Variants in PTGIS observed in about 807,000 individuals in gnomAD.
PTGIS encodes the protein prostacyclin synthase.
PTGIS carries 45 observed loss-of-function variants against 50.3 expected under a neutral mutation model. The ratio of observed to expected loss-of-function variants is 0.90; its 90% CI spans 0.70 to 1.15. The LOEUF (loss-of-function observed/expected upper bound fraction) is 1.15. Ranked by LOEUF, PTGIS falls within the 50% of genes most tolerant of loss-of-function variation. PTGIS has a pLI of 0.00. For synonymous variants in PTGIS, 260 were observed against 267.7 expected (o/e 0.97, Z 0.28); for missense variants, 668 against 661.3 (o/e 1.01, Z -0.11).
intron 1 of PTGIS, among the ~76,000 whole-genome samples, chr20:49,566,556 G>A (rs972715490): frequency 6.6e-6 from 1 of 152,318 alleles, no homozygotes; most frequent in African/African-American, 2.4e-5. Flanking sequence ...GATGTCTGGA[G>A]GTTGAAGAAA....
chr20:49,507,357 T>TGAGCAATG lies in PTGIS; in HGVS notation c.*555_*562dup, dbSNP rs1341834118. The TGAGCAATG allele has an allele frequency of 5.0e-6, 1 of 198,766 alleles. No individual in the cohort carries two copies. Among genetic ancestry groups the TGAGCAATG allele is most frequent in the Admixed American group, 5.3e-5 (1 of 18,842 alleles). The allele number at this position is 198,766 out of a possible 1,614,324, so 12.3% of individuals were successfully genotyped here. A position where few individuals can be genotyped will look rare whatever the true frequency, so the allele number is the denominator to read the frequency against. ...CTCTCCTGCATTTTCTCAAGTAGTG[T>TGAGCAATG]GAGCAATGGGGCAATCTGGCAAATG... On this transcript the variant is annotated 3_prime_UTR_variant, in exon 10 of 10. Coordinates refer to ENST00000244043, the MANE Select transcript of PTGIS (RefSeq NM_000961.4).
intron 9 of PTGIS, among the ~76,000 whole-genome samples, chr20:49,508,627 T>C (rs1319092804): frequency 1.2e-4 from 18 of 152,212 alleles, no homozygotes; most frequent in Admixed American, 1.2e-3. Flanking sequence ...TCACTGTCTA[T>C]CTTGGCCAGG....
At chr20:49,523,930 TACACATGC>T in intron 6 of PTGIS, 120 bp downstream of exon 6, 2 of 1,182,848 alleles carry the variant, frequency 1.7e-6, no homozygotes, top group Non-Finnish European at 2.4e-6. Context: ...CACACCTACA[TACACATGC>T]ACACACAGGC....
intron 3 of PTGIS, 38 bp downstream of exon 3, chr20:49,547,803 C>T (rs1360709141): frequency 8.7e-6 from 14 of 1,610,164 alleles, no homozygotes; most frequent in Non-Finnish European, 1.1e-5. Flanking sequence ...GAGTCGCCCA[C>T]CCTGGCCCTC....
intron 9 of PTGIS, among the ~76,000 whole-genome samples, chr20:49,509,288 C>A (rs1386471349): frequency 1.1e-4 from 16 of 152,200 alleles, no homozygotes; most frequent in African/African-American, 3.6e-4. Context: ...GGGAACACGG[C>A]AAATGATCTG....
intron 6 of PTGIS, among the ~76,000 whole-genome samples, chr20:49,517,046 G>T (rs1981499512): frequency 6.6e-6 from 1 of 152,248 alleles, no homozygotes. Context: ...CAGTGAGGCT[G>T]AATGCAAGCA....
chr20:49,556,563 A>G (rs1371676295), intron 1 of PTGIS, among the ~76,000 whole-genome samples: 1 of 152,244 alleles, frequency 6.6e-6, no homozygotes. Context: ...CAATTTTAAA[A>G]AGAAGAGAGA....
intron 1 of PTGIS, among the ~76,000 whole-genome samples, chr20:49,558,596 C>T (rs1387871097): frequency 6.6e-6 from 1 of 152,142 alleles, no homozygotes; most frequent in East Asian, 1.9e-4. Context: ...AATGTATACA[C>T]TATTATTCGT....
intron 3 of PTGIS, 60 bp from the exon 4 acceptor site, chr20:49,544,508 G>A: frequency 1.3e-6 from 2 of 1,599,172 alleles, no homozygotes; most frequent in South Asian, 1.1e-5. Context: ...ACACCTACAG[G>A]CACCTCCCTC....
rs2122878409 is a variant in PTGIS at position 49,540,673 on chromosome 20, A to G, written c.522-952T>C. ...CACTGAGGCACACTTACGCACACGC[A>G]CACGCACACACACAGGACCACGCTC... is the stretch of plus-strand genomic sequence containing the variant. On this transcript the variant is annotated intron_variant, in intron 4 of 9. Coordinates refer to ENST00000244043, the MANE Select transcript of PTGIS (RefSeq NM_000961.4). This position sits in a 1 kb window ranked among gnomAD's most constrained non-coding sequence, Gnocchi z 4.8. Among the ~76,000 whole-genome samples, 2 of 152,234 alleles carry G rather than the reference A, an allele frequency of 1.3e-5. No individual in the cohort carries two copies. Among genetic ancestry groups the G allele is most frequent in the Admixed American group, 1.3e-4 (2 of 15,306 alleles).
At chr20:49,510,525 G>A (rs1053642293) in intron 9 of PTGIS, among the ~76,000 whole-genome samples, 2 of 152,120 alleles carry the variant, frequency 1.3e-5, no homozygotes, top group Admixed American at 6.5e-5. Flanking sequence ...CACAGGGGCT[G>A]GACAGGAGGA....
intron 1 of PTGIS, among the ~76,000 whole-genome samples, chr20:49,567,602 G>A (rs1167721712): frequency 6.6e-6 from 1 of 152,230 alleles, no homozygotes; most frequent in Non-Finnish European, 1.5e-5. Flanking sequence ...GCAAGGCAGG[G>A]TTTGACAGCG....
chr20:49,563,612 T>C (rs772546056), intron 1 of PTGIS, among the ~76,000 whole-genome samples: 58 of 152,212 alleles, frequency 3.8e-4, no homozygotes, highest in Admixed American at 3.0e-3. Flanking sequence ...TTTTTGTGTA[T>C]GGAATCCCCC....
intron 1 of PTGIS, among the ~76,000 whole-genome samples, chr20:49,561,090 A>G (rs1237536758): frequency 2.0e-5 from 3 of 152,136 alleles, no homozygotes; most frequent in African/African-American, 7.2e-5. Flanking sequence ...CTTTCAGCAC[A>G]GGGCCTTTTG....
chr20:49,547,822 G>T lies in PTGIS; in HGVS notation c.377+19C>A. 1 of 1,613,740 alleles carries T rather than the reference G, an allele frequency of 6.2e-7. No homozygotes were observed. The highest frequency in any genetic ancestry group is 8.5e-7 in the Non-Finnish European group (1 of 1,179,768). On this transcript the variant is annotated intron_variant, in intron 3 of 9. Transcript: ENST00000244043. ...CGCCCACCCTGGCCCTCCCACAGGTGCCATCTCCAGCCACTCACAGTTTCA... is the reference window on the plus strand; with the variant it reads ...CGCCCACCCTGGCCCTCCCACAGGTTCCATCTCCAGCCACTCACAGTTTCA...
chr20:49,559,599 C>T (rs148328148), intron 1 of PTGIS, among the ~76,000 whole-genome samples: 4 of 152,226 alleles, frequency 2.6e-5, no homozygotes, highest in East Asian at 3.9e-4. Flanking sequence ...ATCAATGCCA[C>T]GAAACGTTAC....
chr20:49,546,947 T>C (rs1982375479), intron 3 of PTGIS, among the ~76,000 whole-genome samples: 3 of 152,224 alleles, frequency 2.0e-5, no homozygotes, highest in Non-Finnish European at 4.4e-5. Context: ...TGACTCCATA[T>C]GTGGCTGGGC....
chr20:49,552,184 T>G (rs1377732714), intron 1 of PTGIS, among the ~76,000 whole-genome samples: 1 of 152,130 alleles, frequency 6.6e-6, no homozygotes, highest in Non-Finnish European at 1.5e-5. Context: ...AAAATAGCTA[T>G]TACTACAGGA....
intron 5 of PTGIS, among the ~76,000 whole-genome samples, chr20:49,530,668 GTTGAACACC>G (rs1981912420): frequency 6.6e-6 from 1 of 152,206 alleles, no homozygotes; most frequent in East Asian, 1.9e-4. Context: ...GAGTAGTGAT[GTTGAACACC>G]TTTTCATACC....
Sources: gnomAD v4.1 joint callset for allele counts (sites outside exome capture counted in the v4.1 genomes callset) on GRCh38, gnomAD v4.1.1 for gene constraint, Gnocchi (gnomAD v3.1) non-coding constraint, MANE v1.5 for transcripts, NCBI Gene and HGNC (gene_info 2026-07-23, HGNC 2026-07-21) for gene names.